Variants in KCNN2 observed in about 807,000 individuals in gnomAD.
KCNN2 encodes potassium calcium-activated channel subfamily N member 2.
Under a neutral mutation model 55.5 loss-of-function variants are expected in KCNN2, and 24 were observed. The observed-to-expected ratio is 0.43, with a 90% confidence interval of 0.31 to 0.61. The LOEUF (loss-of-function observed/expected upper bound fraction) is 0.61, where lower values mean the gene tolerates loss of function less well. KCNN2 is among the 20% of genes least tolerant of loss of function. The pLI is 0.08. For missense variants in KCNN2, 754 were observed against 853.6 expected (o/e 0.88, Z 1.45); for synonymous variants, 431 against 336.1 (o/e 1.28, Z -3.09).
chr5:114,225,944 T>C (rs1214317974), intron 2 of KCNN2, among the ~76,000 whole-genome samples: 1 of 152,148 alleles, frequency 6.6e-6, no homozygotes, highest in African/African-American at 2.4e-5. Flanking sequence ...CATAGATTAG[T>C]GAGCAAATAA....
At chr5:114,412,321 C>T (rs1275146453) in intron 3 of KCNN2, among the ~76,000 whole-genome samples, 3 of 152,120 alleles carry the variant, frequency 2.0e-5, no homozygotes, top group Non-Finnish European at 2.9e-5. Context: ...TTTAGCATTG[C>T]AGTGGATGTC....
chr5:114,350,732 A>C (rs757824915), intron 2 of KCNN2, among the ~76,000 whole-genome samples: 1 of 151,998 alleles, frequency 6.6e-6, no homozygotes, highest in Admixed American at 6.6e-5. Context: ...CCAATGAATT[A>C]TCTAGGCACC....
At chr5:114,188,511 T>G (rs955202155) in intron 1 of KCNN2, among the ~76,000 whole-genome samples, 19 of 152,192 alleles carry the variant, frequency 1.2e-4, no homozygotes, top group African/African-American at 4.3e-4. Flanking sequence ...ACGTAAGATA[T>G]TTTTTAAAAA....
At chr5:114,185,002 G>A (rs527311314) in intron 1 of KCNN2, among the ~76,000 whole-genome samples, 1 of 152,304 alleles carries the variant, frequency 6.6e-6, no homozygotes, top group Admixed American at 6.5e-5. Context: ...TAGCAAGGCT[G>A]TTTTTGGTGT....
chr5:114,121,835 C>T (rs1580532458), intron 1 of KCNN2, among the ~76,000 whole-genome samples: 2 of 152,198 alleles, frequency 1.3e-5, no homozygotes, highest in African/African-American at 2.4e-5. Flanking sequence ...CTTTTACCCC[C>T]ACCTGGGTGG....
At chr5:114,381,711 C>T (rs1230663730) in intron 2 of KCNN2, among the ~76,000 whole-genome samples, 1 of 152,240 alleles carries the variant, frequency 6.6e-6, no homozygotes, top group African/African-American at 2.4e-5. Context: ...GTTTTATTCT[C>T]TTCCTTTCCT....
chr5:114,216,135 T>C (rs1753995914), intron 1 of KCNN2, among the ~76,000 whole-genome samples: 1 of 152,182 alleles, frequency 6.6e-6, no homozygotes, highest in Non-Finnish European at 1.5e-5. Context: ...TCTTAATCAG[T>C]GATTTTCTGT....
chr5:114,076,431 A>G (rs1308318479), intron 1 of KCNN2, among the ~76,000 whole-genome samples: 1 of 152,222 alleles, frequency 6.6e-6, no homozygotes. Flanking sequence ...TAACAAAAAG[A>G]GAATAGATGT....
At chr5:114,246,462 C>T (rs964546467) in intron 2 of KCNN2, among the ~76,000 whole-genome samples, 1 of 152,122 alleles carries the variant, frequency 6.6e-6, no homozygotes, top group Non-Finnish European at 1.5e-5. Flanking sequence ...TATATTTGGT[C>T]TATGAACTTT....
intron 2 of KCNN2, among the ~76,000 whole-genome samples, chr5:114,251,537 T>C (rs1189777734): frequency 6.6e-6 from 1 of 152,204 alleles, no homozygotes; most frequent in East Asian, 1.9e-4. Flanking sequence ...GTTATTATTG[T>C]TGTTCTTATT....
rs533665808 is a variant in KCNN2 at position 114,280,763 on chromosome 5, T to G, written c.-185+59198T>G. 2.6e-5 allele frequency among the ~76,000 whole-genome samples: 4 copies of G among 152,300 alleles called. No homozygotes were observed. In the South Asian group the frequency reaches 8.3e-4, roughly 32 times the overall value. ...CCCTAAACACTCAGAGTGACCCTTT[T>G]AAATGTTAAGTCAGATCTTATTAAT... On this transcript the variant is annotated intron_variant, in intron 2 of 10. Coordinates refer to the KCNN2 transcript ENST00000512097.
intron 3 of KCNN2, among the ~76,000 whole-genome samples, chr5:114,431,587 C>A (rs1759796141): frequency 1.3e-5 from 2 of 151,900 alleles, no homozygotes; most frequent in Admixed American, 1.3e-4. Context: ...TCATTGATAT[C>A]TGCTCTAATT....
intron 3 of KCNN2, among the ~76,000 whole-genome samples, chr5:114,436,523 A>T (rs866579509): frequency 1.4e-4 from 22 of 152,362 alleles, no homozygotes; most frequent in Middle Eastern, 6.8e-3. Flanking sequence ...GTCAGCATTC[A>T]GAGTCCTGAC....
chr5:114,135,866 G>A (rs997054665), intron 1 of KCNN2, among the ~76,000 whole-genome samples: 5 of 152,088 alleles, frequency 3.3e-5, no homozygotes, highest in Non-Finnish European at 7.4e-5. Context: ...TCAGAGAAAA[G>A]CTCTTGGAAA....
intron 1 of KCNN2, among the ~76,000 whole-genome samples, chr5:114,147,806 T>C (rs1752429571): frequency 6.6e-6 from 1 of 152,148 alleles, no homozygotes; most frequent in Admixed American, 6.6e-5. Flanking sequence ...AGTTGGACTT[T>C]TTGGGGCTTA....
At chr5:114,259,189 G>C (rs143043428) in intron 2 of KCNN2, among the ~76,000 whole-genome samples, 1 of 152,188 alleles carries the variant, frequency 6.6e-6, no homozygotes, top group Admixed American at 6.5e-5. Context: ...AGGAAAGCAC[G>C]TGTTCTGGTT....
chr5:114,203,026 T>G (rs1753705981), intron 1 of KCNN2, among the ~76,000 whole-genome samples: 1 of 152,166 alleles, frequency 6.6e-6, no homozygotes, highest in African/African-American at 2.4e-5. Flanking sequence ...ACAAAGAAAT[T>G]CCAATTTTGG....
At chr5:114,147,616 GAC>G (rs1180436676) in intron 1 of KCNN2, among the ~76,000 whole-genome samples, 1 of 152,170 alleles carries the variant, frequency 6.6e-6, no homozygotes, top group Non-Finnish European at 1.5e-5. Flanking sequence ...TTCTACAAAA[GAC>G]AACTCTTTTT....
intron 2 of KCNN2, among the ~76,000 whole-genome samples, chr5:114,378,401 G>C (rs1244071169): frequency 6.6e-6 from 1 of 152,300 alleles, no homozygotes; most frequent in East Asian, 1.9e-4. Context: ...GAAAGTGTTT[G>C]TTCTATCTTT....
Sources: allele counts gnomAD v4.1 joint callset (sites outside exome capture counted in the v4.1 genomes callset), GRCh38; gene constraint gnomAD v4.1.1; transcripts MANE v1.5; gene names NCBI Gene and HGNC (gene_info 2026-07-23, HGNC 2026-07-21).